PAX8: variants seen among roughly 807,000 people sequenced by gnomAD.
PAX8 encodes the protein paired box protein Pax-8.
In PAX8, 15 loss-of-function variants were observed where a neutral mutation model predicts 52.4. The observed-to-expected ratio is 0.29, with a 90% confidence interval of 0.19 to 0.44. The LOEUF (loss-of-function observed/expected upper bound fraction) is 0.44, where lower values mean the gene tolerates loss of function less well. Among genes scored for constraint, PAX8 ranks in the 20% least tolerant of loss-of-function variants. The probability of loss-of-function intolerance (pLI) is 1.00; values close to 1 mark genes in which losing one functional copy is unlikely to be tolerated. For synonymous variants in PAX8, 284 were observed against 249.7 expected, an observed-to-expected ratio of 1.14 and a Z score of -1.29; for missense variants, 554 against 602.5, an observed-to-expected ratio of 0.92 and a Z score of 0.84.
At position 113,220,145 on chromosome 2, in the gene PAX8, G is replaced by C. The variant is rs570158369; in HGVS notation, c.1223C>G (p.Thr408Ser). The C allele has an allele frequency of 1.9e-6, 3 of 1,614,002 alleles. No individual in the cohort carries two copies. The highest frequency in any genetic ancestry group is 3.3e-5 in the Admixed American group (2 of 60,020). ...GGCCTCGCTGTAGGAGGAGTAGGGGGTGTGGCCATAGGCATTGCCAGAGTA... is the reference window on the plus strand; with the variant it reads ...GGCCTCGCTGTAGGAGGAGTAGGGGCTGTGGCCATAGGCATTGCCAGAGTA... ...SEYSGNAYGH[T>S]PYSSYSEAWR... Residue 408 changes from threonine (T) to serine (S), a missense_variant, in exon 11 of 12, where the codon ACC (threonine) becomes AGC (serine). Around this residue, in one of 2 missense-constraint regions of PAX8, gnomAD observed 445 missense variants for 409.9 expected, o/e 1.09. Transcript: ENST00000429538.
chr2:113,245,045 G>T (rs201126048), intron 3 of PAX8, among the ~76,000 whole-genome samples: 14 of 135,700 alleles, frequency 1.0e-4, no homozygotes, highest in South Asian at 2.4e-4. Flanking sequence ...GGTTTTTTTT[G>T]TTTTTTTTTT....
At chr2:113,241,090 A>G in intron 7 of PAX8, 1 of 297,462 alleles carries the variant, frequency 3.4e-6, no homozygotes, top group Non-Finnish European at 6.5e-6. Context: ...CACAGTGTGC[A>G]AGGGCAGAGA....
chr2:113,225,208 A>G (rs1265126160), intron 10 of PAX8, among the ~76,000 whole-genome samples: 3 of 152,234 alleles, frequency 2.0e-5, no homozygotes, highest in Non-Finnish European at 2.9e-5. Flanking sequence ...AAAGTACATA[A>G]TAAGTGATCA....
intron 2 of PAX8, among the ~76,000 whole-genome samples, chr2:113,263,919 C>A: frequency 6.7e-6 from 1 of 149,810 alleles, no homozygotes; most frequent in African/African-American, 2.5e-5. Context: ...TTATCTAAAG[C>A]CAAGAAAGAA....
At chr2:113,226,763 C>A in intron 10 of PAX8, 3 of 1,177,374 alleles carry the variant, frequency 2.5e-6, no homozygotes, top group South Asian at 4.2e-5. Context: ...ACTGGGAGAC[C>A]AGCACTGCTT....
chr2:113,233,036 C>T (rs1376304605), intron 9 of PAX8, among the ~76,000 whole-genome samples: 1 of 137,720 alleles, frequency 7.3e-6, no homozygotes, highest in African/African-American at 2.7e-5. Context: ...CCCCTCCCCT[C>T]CCCTCCCCTC....
chr2:113,225,868 T>C, intron 10 of PAX8: 1 of 979,612 alleles, frequency 1.0e-6, no homozygotes, highest in East Asian at 1.2e-4. Flanking sequence ...GAGGCCCCAT[T>C]ATCCACACTC....
chr2:113,235,637 A>AAC (rs1398151970), intron 8 of PAX8, 55 bp from the exon 9 acceptor site: 19 of 1,439,288 alleles, frequency 1.3e-5, no homozygotes, highest in Non-Finnish European at 1.8e-5. Context: ...GCGGGGAGGG[A>AAC]ACACGCACAA....
rs897166803 is a variant in PAX8, at chr2:113,218,196, C to T, written c.*337G>A. The T allele has an allele frequency of 1.0e-5, 3 of 289,160 alleles. No homozygotes were observed. In the East Asian group the frequency reaches 1.6e-4, roughly 15 times the overall value. 17.9% of individuals were successfully genotyped at this position (289,160 alleles called of 1,614,324 possible). A position where few individuals can be genotyped will look rare whatever the true frequency, so the allele number is the denominator to read the frequency against. On this transcript the variant is annotated 3_prime_UTR_variant, in exon 12 of 12. Transcript: ENST00000429538. The stretch of plus-strand genomic sequence containing the variant: ...GGCCCGGGCAGGAACCATTCGCCAT[C>T]CCCCCAAGTTCCTCGGCTATTGCTT...
At chr2:113,241,933 G>T (rs1398905527) in intron 6 of PAX8, 75 bp downstream of exon 6, 5 of 1,562,310 alleles carry the variant, frequency 3.2e-6, no homozygotes, top group Non-Finnish European at 3.5e-6. Context: ...ATAAGTGGAA[G>T]GGTTTCTGTC....
At chr2:113,224,854 A>AAT (rs375929092) in intron 10 of PAX8, among the ~76,000 whole-genome samples, 1 of 19,924 alleles carries the variant, frequency 5.0e-5, no homozygotes, top group Non-Finnish European at 3.2e-4. Context: ...AATAAAATAA[A>AAT]ATAAAATAAA....
chr2:113,278,309 C>G (rs985625126), intron 2 of PAX8, 61 bp downstream of exon 2: 1 of 1,306,318 alleles, frequency 7.7e-7, no homozygotes, highest in Non-Finnish European at 1.1e-6. Flanking sequence ...ACCACCCGAG[C>G]GCACGCACGG....
intron 3 of PAX8, among the ~76,000 whole-genome samples, chr2:113,246,438 G>A: frequency 6.6e-6 from 1 of 152,190 alleles, no homozygotes. Context: ...GAGGACCTTG[G>A]GGGAAGATTC....
chr2:113,225,144 G>A (rs1423336594), intron 10 of PAX8, among the ~76,000 whole-genome samples: 1 of 152,154 alleles, frequency 6.6e-6, no homozygotes, highest in Non-Finnish European at 1.5e-5. Context: ...TTAGTCTTAT[G>A]GTCAGGGTAA....
chr2:113,224,839 TATAAAATAAAA>T (rs1282196371), intron 10 of PAX8, among the ~76,000 whole-genome samples: 284 of 143,634 alleles, frequency 2.0e-3, no homozygotes, highest in Non-Finnish European at 3.5e-3. Flanking sequence ...TAAAATAAAA[TATAAAATAAAA>T]TAAAATAAAA....
intron 2 of PAX8, among the ~76,000 whole-genome samples, chr2:113,257,371 A>G (rs149020840): frequency 1.3e-5 from 2 of 152,212 alleles, no homozygotes; most frequent in East Asian, 1.9e-4. Flanking sequence ...ATGCTCTTTA[A>G]TGCATCCCAG....
intron 4 of PAX8, 110 bp from the exon 5 acceptor site, chr2:113,242,888 C>T (rs1265826122): frequency 6.5e-6 from 5 of 769,834 alleles, no homozygotes; most frequent in East Asian, 2.6e-5. Flanking sequence ...CTCCAAGGCA[C>T]TTGAAACTCA....
chr2:113,227,911 G>A (rs572824490), intron 9 of PAX8, among the ~76,000 whole-genome samples: 3 of 152,260 alleles, frequency 2.0e-5, no homozygotes, highest in South Asian at 2.1e-4. Context: ...GAGATGTGGC[G>A]GAGATATTTA....
chr2:113,262,678 TC>T (rs1478355871), intron 2 of PAX8, among the ~76,000 whole-genome samples: 2 of 152,118 alleles, frequency 1.3e-5, no homozygotes, highest in African/African-American at 4.8e-5. Context: ...TCCAATATGA[TC>T]AAGTCCTTGT....
Sources: allele counts gnomAD v4.1 joint callset (sites outside exome capture counted in the v4.1 genomes callset), GRCh38; gene constraint gnomAD v4.1.1; regional missense constraint gnomAD v4.1.1; transcripts MANE v1.5; gene names NCBI Gene and HGNC (gene_info 2026-07-23, HGNC 2026-07-21).